RASA3: variants seen among roughly 807,000 people sequenced by gnomAD.
The protein encoded by RASA3 is ras GTPase-activating protein 3.
Under a neutral mutation model 110.0 loss-of-function variants are expected in RASA3, and 73 were observed. The observed-to-expected ratio is 0.66, with a 90% confidence interval of 0.55 to 0.81. RASA3 has a LOEUF of 0.81. RASA3 is among the 30% of genes least tolerant of loss of function. The probability of loss-of-function intolerance (pLI) is 0.00; values close to 1 mark genes in which losing one functional copy is unlikely to be tolerated. For missense variants in RASA3, 976 were observed against 1,113.2 expected (o/e 0.88, Z 1.75); for synonymous variants, 500 against 451.4 (o/e 1.11, Z -1.37).
chr13:114,104,709 G>GCT (rs896060320), intron 1 of RASA3, among the ~76,000 whole-genome samples: 1 of 152,120 alleles, frequency 6.6e-6, no homozygotes, highest in African/African-American at 2.4e-5. Flanking sequence ...CGAAACTTTG[G>GCT]TTTTCCGTTC....
Position 114,052,145 on chromosome 13 carries a change from C to A in RASA3, c.184G>T (p.Gly62Ter). The change falls in exon 3 of 24, where the codon GGA becomes TGA. Residue 62 changes from glycine (G) to a stop codon, truncating the protein, a stop_gained. Coordinates refer to ENST00000334062, the MANE Select transcript of RASA3 (RefSeq NM_007368.4). LOFTEE classifies it high-confidence loss of function. ...GGAATTTCACAGTAAAAGTCTTCTC[C>A]GTAAAACGGGCTAGTGAGACAAAGA... Reference protein sequence around the residue: ...IVEKSLCPFYGEDFYCEIPRS... With the variant: ...IVEKSLCPFY 1 of 1,612,018 alleles carries A rather than the reference C, an allele frequency of 6.2e-7. No homozygotes were observed. Among genetic ancestry groups the A allele is most frequent in the South Asian group, 1.1e-5 (1 of 91,002 alleles).
chr13:114,080,062 G>T (rs2079757711), intron 1 of RASA3, among the ~76,000 whole-genome samples: 1 of 152,246 alleles, frequency 6.6e-6, no homozygotes, highest in African/African-American at 2.4e-5. Flanking sequence ...GTGGGAGTGG[G>T]GTTTCCTCTG....
At chr13:114,103,392 A>G (rs1055581390) in intron 1 of RASA3, among the ~76,000 whole-genome samples, 4 of 152,078 alleles carry the variant, frequency 2.6e-5, no homozygotes, top group Admixed American at 6.5e-5. Context: ...CAAGAGCCCC[A>G]GACACACACT....
chr13:114,102,368 T>G (rs892095212), intron 1 of RASA3, among the ~76,000 whole-genome samples: 2 of 146,768 alleles, frequency 1.4e-5, no homozygotes, highest in African/African-American at 2.5e-5. Flanking sequence ...AGAGCGAGAG[T>G]GAAGGAGGAA....
intron 1 of RASA3, among the ~76,000 whole-genome samples, chr13:114,098,468 C>A (rs765356967): frequency 1.3e-5 from 2 of 152,030 alleles, no homozygotes; most frequent in African/African-American, 4.8e-5. Flanking sequence ...GGGCTGCAGG[C>A]GCCCAGGCCA....
intron 18 of RASA3, among the ~76,000 whole-genome samples, 177 bp from the exon 19 acceptor site, chr13:114,001,109 GA>G (rs2053384707): frequency 6.6e-6 from 1 of 152,240 alleles, no homozygotes; most frequent in Non-Finnish European, 1.5e-5. Flanking sequence ...CCTCTCCTTT[GA>G]AAAGTTGAGC....
intron 1 of RASA3, among the ~76,000 whole-genome samples, chr13:114,080,000 C>T (rs2079756406): frequency 6.6e-6 from 1 of 152,230 alleles, no homozygotes; most frequent in African/African-American, 2.4e-5. Context: ...ACACAAGTGC[C>T]TTCCCGAAGG....
chr13:114,011,415 G>A lies in RASA3; in HGVS notation c.1513-167C>T, dbSNP rs141446671. Among the ~76,000 whole-genome samples the A allele has an allele frequency of 7.4e-4, 113 of 152,260 alleles. No individual in the cohort carries two copies. In the East Asian group the frequency reaches 9.5e-3, roughly 13 times the overall value. On this transcript the variant is annotated intron_variant, in intron 15 of 23. Coordinates refer to ENST00000334062, the MANE Select transcript of RASA3 (RefSeq NM_007368.4). The surrounding 1 kb of genome is among the most constrained non-coding windows in gnomAD (Gnocchi z 4.8). ...GCAGATGGGACTGGAGGGGGTGGGCGTCCCACAGTCTCAGGAGCTGCTGAG... is the reference window on the plus strand; with the variant it reads ...GCAGATGGGACTGGAGGGGGTGGGCATCCCACAGTCTCAGGAGCTGCTGAG...
intron 1 of RASA3, among the ~76,000 whole-genome samples, chr13:114,088,624 T>A (rs2079850318): frequency 6.6e-6 from 1 of 152,060 alleles, no homozygotes. Flanking sequence ...CAATCTTGGC[T>A]CACGGCAACC....
At chr13:114,013,795 TAACTCC>T (rs1454303021) in intron 14 of RASA3, among the ~76,000 whole-genome samples, 10 of 147,788 alleles carry the variant, frequency 6.8e-5, no homozygotes, top group South Asian at 2.2e-4. Flanking sequence ...TCTCTCTCCC[TAACTCC>T]ATCTCTCTCT....
chr13:114,015,436 G>A lies in RASA3; in HGVS notation c.1282-104C>T, dbSNP rs1391808838. 4 of 1,444,776 alleles carry A rather than the reference G, an allele frequency of 2.8e-6. No homozygotes were observed. In the East Asian group the frequency reaches 7.0e-5, roughly 25 times the overall value. 89.5% of individuals were successfully genotyped at this position (1,444,776 alleles called of 1,614,324 possible). ...GGGCGCGTGGGGAGGGGCTGAGGGC[G>A]GGCGCAGGGCAGCTGCGGCAGTGAG... On this transcript the variant is annotated intron_variant, in intron 13 of 23. Transcript: ENST00000334062.
chr13:114,116,979 G>A (rs1442553787), intron 1 of RASA3, among the ~76,000 whole-genome samples: 9 of 134,286 alleles, frequency 6.7e-5, no homozygotes, highest in Non-Finnish European at 9.4e-5. Context: ...AGGGGAGCAC[G>A]TGTGTGAGGG....
In RASA3 at chr13:113,996,516, G is replaced by C. The variant is rs369044393; in HGVS notation, c.2141+15C>G. ...CTGCACAGTGCACGAGCTGGGCACC[G>C]AGGCACAGACCTACCCAGTGCAGGG... is the stretch of plus-strand genomic sequence containing the variant. On this transcript the variant is annotated intron_variant, in intron 21 of 23. Transcript: ENST00000334062. 2 of 1,608,820 alleles carry C rather than the reference G, an allele frequency of 1.2e-6. No individual in the cohort carries two copies. Among genetic ancestry groups the C allele is most frequent in the Non-Finnish European group, 1.7e-6 (2 of 1,177,940 alleles).
intron 3 of RASA3, among the ~76,000 whole-genome samples, chr13:114,042,910 G>A (rs1049050945): frequency 6.6e-6 from 1 of 152,242 alleles, no homozygotes; most frequent in Non-Finnish European, 1.5e-5. Flanking sequence ...CAGACGAGCA[G>A]GCCGGGGCTG....
intron 3 of RASA3, among the ~76,000 whole-genome samples, chr13:114,046,883 A>G (rs2079061926): frequency 6.6e-6 from 1 of 152,246 alleles, no homozygotes; most frequent in Admixed American, 6.5e-5. Context: ...TCTACATGGA[A>G]AAAACAGAAT....
intron 1 of RASA3, among the ~76,000 whole-genome samples, chr13:114,117,476 G>A (rs999425784): frequency 1.4e-5 from 2 of 138,832 alleles, no homozygotes; most frequent in African/African-American, 2.7e-5. Context: ...GTGCACATCT[G>A]TGGGTGAGCA....
intron 1 of RASA3, chr13:114,077,878 TA>T (rs917698264): frequency 3.3e-4 from 278 of 849,722 alleles, no homozygotes; most frequent in Middle Eastern, 5.9e-4. Context: ...ATGCATTTAA[TA>T]AAAAAAAAAG....
intron 23 of RASA3, among the ~76,000 whole-genome samples, chr13:113,981,224 C>T (rs927036443): frequency 1.2e-4 from 18 of 152,162 alleles, no homozygotes; most frequent in South Asian, 2.1e-4. Context: ...CTAAGCTGAA[C>T]GTACTCAACC....
intron 22 of RASA3, among the ~76,000 whole-genome samples, chr13:113,990,404 A>C (rs1385474821): frequency 6.6e-6 from 1 of 152,190 alleles, no homozygotes. Flanking sequence ...GCAAGGTTGG[A>C]CAGTGGTGCA....
Sources: allele counts gnomAD v4.1 joint callset (sites outside exome capture counted in the v4.1 genomes callset), GRCh38; gene constraint gnomAD v4.1.1; non-coding constraint Gnocchi (gnomAD v3.1); transcripts MANE v1.5; gene names NCBI Gene and HGNC (gene_info 2026-07-23, HGNC 2026-07-21).